The following ADAMTS5 variants were observed in gnomAD, a reference collection of about 807,000 sequenced individuals.
The protein encoded by ADAMTS5 is ADAM metallopeptidase with thrombospondin type 1 motif 5, also known as A disintegrin and metalloproteinase with thrombospondin motifs 5.
In ADAMTS5, 54 loss-of-function variants were observed where a neutral mutation model predicts 81.4. The observed-to-expected ratio is 0.66, with a 90% CI of 0.53 to 0.83. The LOEUF is 0.83. ADAMTS5 is among the 40% of genes least tolerant of loss of function. ADAMTS5 has a pLI of 0.00. For synonymous variants in ADAMTS5, 532 were observed against 508.8 expected (o/e 1.05, Z -0.61); for missense variants, 1,194 against 1,229.9 (o/e 0.97, Z 0.44).
rs1477206775 is a variant in ADAMTS5 at position 26,965,270 on chromosome 21, C to T, written c.1104+18G>A. On this transcript the variant is annotated intron_variant, in intron 1 of 7. Coordinates refer to ENST00000284987, the MANE Select transcript of ADAMTS5 (RefSeq NM_007038.5). Reference sequence around the variant, plus strand: ...CCTGATATCAGCGCTGGGACCCCCGCATCCCGGCTGGACCTACCTCCCGAG... The same window carrying T: ...CCTGATATCAGCGCTGGGACCCCCGTATCCCGGCTGGACCTACCTCCCGAG... 6.3e-7 allele frequency: 1 copy of T among 1,594,782 alleles called. No homozygotes were observed. Among genetic ancestry groups the T allele is most frequent in the East Asian group, 2.2e-5 (1 of 44,596 alleles).
At chr21:26,931,950 C>T in intron 6 of ADAMTS5, 54 bp downstream of exon 6, 1 of 1,503,258 alleles carries the variant, frequency 6.7e-7, no homozygotes, top group Non-Finnish European at 8.9e-7. Context: ...TTCATTCTAC[C>T]AAATAATTTC....
rs1224560517 is a variant in ADAMTS5 at position 26,922,154 on chromosome 21, C to T, written c.*1899G>A. On this transcript the variant is annotated 3_prime_UTR_variant, in exon 8 of 8. Transcript: ENST00000284987. ...TAGGTTATCAGCCTTGTACAGGCCT[C>T]ATTTCTCAAAGTGATAATTTATTGA... The T allele has an allele frequency of 6.6e-6, 1 of 151,976 alleles. No homozygotes were observed. The highest frequency in any genetic ancestry group is 1.9e-4 in the East Asian group (1 of 5,188). The allele number at this position is 151,976 out of a possible 1,614,324, so 9.4% of individuals were successfully genotyped here. A position where few individuals can be genotyped will look rare whatever the true frequency, so the allele number is the denominator to read the frequency against.
intron 2 of ADAMTS5, among the ~76,000 whole-genome samples, chr21:26,946,308 A>C (rs1987214491): frequency 6.6e-6 from 1 of 152,222 alleles, no homozygotes; most frequent in African/African-American, 2.4e-5. Flanking sequence ...ATTTACTCTT[A>C]GTTGAAATCG....
rs1600994654 is a variant in ADAMTS5 at position 26,921,517 on chromosome 21, T to A, written c.*2536A>T. On this transcript the variant is annotated 3_prime_UTR_variant, in exon 8 of 8. Transcript: ENST00000284987. ...TCTAGACATTTTAAAAAATTCAAGATGCAACAATGGAAAGGTGAAAGACAG... is the reference window on the plus strand; with the variant it reads ...TCTAGACATTTTAAAAAATTCAAGAAGCAACAATGGAAAGGTGAAAGACAG... 6.6e-6 allele frequency: 1 copy of A among 151,622 alleles called. No homozygotes were observed. The highest frequency in any genetic ancestry group is 1.9e-4 in the East Asian group (1 of 5,154). The allele number at this position is 151,622 out of a possible 1,614,324, so 9.4% of individuals were successfully genotyped here.
intron 3 of ADAMTS5, among the ~76,000 whole-genome samples, chr21:26,936,480 G>C (rs1211749938): frequency 1.3e-5 from 2 of 151,968 alleles, no homozygotes; most frequent in Non-Finnish European, 2.9e-5. Flanking sequence ...ATCCTTATGT[G>C]CCACTGAGAA....
At chr21:26,928,915 A>G (rs1986855865) in intron 7 of ADAMTS5, among the ~76,000 whole-genome samples, 1 of 152,134 alleles carries the variant, frequency 6.6e-6, no homozygotes, top group Admixed American at 6.5e-5. Context: ...CCTTTGAAAC[A>G]TATAAAAATG....
intron 3 of ADAMTS5, among the ~76,000 whole-genome samples, chr21:26,940,770 T>A (rs893665726): frequency 1.8e-4 from 28 of 152,270 alleles, no homozygotes; most frequent in East Asian, 5.8e-4. Context: ...TCTTTGTTAT[T>A]CTATCATCTT....
chr21:26,948,113 T>C (rs1987250191), intron 2 of ADAMTS5, among the ~76,000 whole-genome samples: 1 of 152,196 alleles, frequency 6.6e-6, no homozygotes, highest in African/African-American at 2.4e-5. Context: ...CTTCATTAAA[T>C]TCACAAGAGA....
intron 6 of ADAMTS5, 35 bp from the exon 7 acceptor site, chr21:26,930,096 G>A (rs1986879786): frequency 1.9e-6 from 3 of 1,600,622 alleles, no homozygotes; most frequent in Non-Finnish European, 2.6e-6. Flanking sequence ...AGTGGGAAAT[G>A]TTTGCATCAG....
In ADAMTS5 at chr21:26,923,942, C is replaced by A. The variant is rs557621661; in HGVS notation, c.*111G>T. ...CTGCCCATAATTGGACTCCTGTTGACAATGTCACTGAAGCATGACTTTCTG... is the reference window on the plus strand; with the variant it reads ...CTGCCCATAATTGGACTCCTGTTGAAAATGTCACTGAAGCATGACTTTCTG... On this transcript the variant is annotated 3_prime_UTR_variant, in exon 8 of 8. Transcript: ENST00000284987. The A allele has an allele frequency of 1.4e-4, 162 of 1,164,450 alleles. 1 individual carries two copies. In the African/African-American group the frequency reaches 2.1e-3, roughly 15 times the overall value. 72.1% of individuals were successfully genotyped at this position (1,164,450 alleles called of 1,614,324 possible). A position where few individuals can be genotyped will look rare whatever the true frequency, so the allele number is the denominator to read the frequency against.
At chr21:26,939,371 A>G (rs11909390) in intron 3 of ADAMTS5, among the ~76,000 whole-genome samples, 4,034 of 152,186 alleles carry the variant, frequency 0.027, 184 homozygotes, top group African/African-American at 0.091. Context: ...TTATTTTCAC[A>G]CTCTATTAAA....
chr21:26,950,588 G>T (rs1006065955), intron 2 of ADAMTS5, among the ~76,000 whole-genome samples: 2 of 152,150 alleles, frequency 1.3e-5, no homozygotes, highest in African/African-American at 4.8e-5. Flanking sequence ...TGCCTATCCA[G>T]AATCAATGTC....
In ADAMTS5 at chr21:26,921,027, AT is replaced by A. The variant is rs1193361588; in HGVS notation, c.*3025del. On this transcript the variant is annotated 3_prime_UTR_variant, in exon 8 of 8. Coordinates refer to ENST00000284987, the MANE Select transcript of ADAMTS5 (RefSeq NM_007038.5). ...CTTTATACACAAACATGAAGCATAA[AT>A]TAAAAAGTAGGACAACAGCAAAACA... 4 of 152,600 alleles carry A rather than the reference AT, an allele frequency of 2.6e-5. No individual in the cohort carries two copies. The allele number at this position is 152,600 out of a possible 1,614,324, so 9.5% of individuals were successfully genotyped here.
intron 2 of ADAMTS5, among the ~76,000 whole-genome samples, chr21:26,952,543 G>A (rs1443222049): frequency 6.6e-6 from 1 of 152,208 alleles, no homozygotes; most frequent in Admixed American, 6.5e-5. Flanking sequence ...TGAAGAAGCT[G>A]CACTTATTGC....
At chr21:26,941,115 T>C (rs1442483263) in intron 3 of ADAMTS5, among the ~76,000 whole-genome samples, 5 of 152,076 alleles carry the variant, frequency 3.3e-5, no homozygotes, top group African/African-American at 9.7e-5. Context: ...TATAAGCTAC[T>C]GATAAAATAG....
chr21:26,918,446 A>G lies in ADAMTS5; in HGVS notation c.*5607T>C, dbSNP rs1008908781. On this transcript the variant is annotated 3_prime_UTR_variant, in exon 8 of 8. Transcript: ENST00000284987. ...TATGCAATTGCTTCTATCAAATGCA[A>G]CATATTTCTTCAGTCTATTTAGTTA... The G allele has an allele frequency of 6.6e-6, 1 of 152,130 alleles. No individual in the cohort carries two copies. The highest frequency in any genetic ancestry group is 1.5e-5 in the Non-Finnish European group (1 of 67,948). 9.4% of individuals were successfully genotyped at this position (152,130 alleles called of 1,614,324 possible).
intron 2 of ADAMTS5, among the ~76,000 whole-genome samples, chr21:26,951,363 G>C (rs758356822): frequency 6.6e-6 from 1 of 152,068 alleles, no homozygotes. Flanking sequence ...ACACATTTTG[G>C]AATGAGGCTA....
chr21:26,963,728 C>T (rs13046440), intron 1 of ADAMTS5, among the ~76,000 whole-genome samples: 24,198 of 127,892 alleles, frequency 0.19, 2,203 homozygotes, highest in Non-Finnish European at 0.23. Flanking sequence ...TTTTACAGAA[C>T]TTCATTTTGC....
chr21:26,919,434 A>G lies in ADAMTS5; in HGVS notation c.*4619T>C, dbSNP rs868010432. The G allele has an allele frequency of 6.6e-6, 1 of 151,966 alleles. No individual in the cohort carries two copies. Among genetic ancestry groups the G allele is most frequent in the South Asian group, 2.1e-4 (1 of 4,812 alleles). The allele number at this position is 151,966 out of a possible 1,614,324, so 9.4% of individuals were successfully genotyped here. On this transcript the variant is annotated 3_prime_UTR_variant, in exon 8 of 8. Coordinates refer to ENST00000284987, the MANE Select transcript of ADAMTS5 (RefSeq NM_007038.5). ...TGCTAATGTGCAACTATATTAGTAGAATGCAATTAACTGGGCTAACTAATG... is the reference window on the plus strand; with the variant it reads ...TGCTAATGTGCAACTATATTAGTAGGATGCAATTAACTGGGCTAACTAATG...
Sources: allele counts gnomAD v4.1 joint callset (sites outside exome capture counted in the v4.1 genomes callset), GRCh38; gene constraint gnomAD v4.1.1; transcripts MANE v1.5; gene names NCBI Gene and HGNC (gene_info 2026-07-23, HGNC 2026-07-21).